Variants in HDAC9 observed in about 807,000 individuals in gnomAD.
The protein encoded by HDAC9 is histone deacetylase 9.
In HDAC9, 41 loss-of-function variants were observed where a neutral mutation model predicts 139.4. The ratio of observed to expected loss-of-function variants is 0.29; its 90% CI spans 0.23 to 0.38. The LOEUF is 0.38. Ranked by LOEUF, HDAC9 falls within the 10% of genes least tolerant of loss-of-function variation. The probability of loss-of-function intolerance (pLI) is 1.00; values close to 1 mark genes in which losing one functional copy is unlikely to be tolerated. For synonymous variants in HDAC9, 517 were observed against 476.2 expected, an observed-to-expected ratio of 1.09 and a Z score of -1.12; for missense variants, 1,147 against 1,297.0, an observed-to-expected ratio of 0.88 and a Z score of 1.78.
intron 2 of HDAC9, among the ~76,000 whole-genome samples, chr7:18,507,445 G>A (rs1458110553): frequency 6.6e-6 from 1 of 151,380 alleles, no homozygotes; most frequent in Non-Finnish European, 1.5e-5. Flanking sequence ...CGCCCGCCTC[G>A]GCCTCCCAAA....
chr7:18,732,750 T>TATAC (rs1554339297), intron 13 of HDAC9, among the ~76,000 whole-genome samples: 1 of 62,690 alleles, frequency 1.6e-5, no homozygotes, highest in East Asian at 9.3e-4. Flanking sequence ...TGCGTATGTG[T>TATAC]ACACACACGT....
intron 1 of HDAC9, among the ~76,000 whole-genome samples, chr7:18,414,772 A>G (rs1308242969): frequency 6.6e-6 from 1 of 152,230 alleles, no homozygotes; most frequent in Non-Finnish European, 1.5e-5. Context: ...AATATAACTT[A>G]AGAAGAAAGG....
chr7:18,727,389 A>T (rs1785632869), intron 12 of HDAC9, among the ~76,000 whole-genome samples, 191 bp from the exon 13 acceptor site: 1 of 152,164 alleles, frequency 6.6e-6, no homozygotes, highest in Admixed American at 6.5e-5. Flanking sequence ...TCAGTGTGAA[A>T]ACATCTGTTG....
intron 22 of HDAC9, among the ~76,000 whole-genome samples, chr7:18,894,069 T>C (rs1263732243): frequency 6.6e-6 from 1 of 151,968 alleles, no homozygotes; most frequent in Non-Finnish European, 1.5e-5. Flanking sequence ...GCAGGCTGGA[T>C]TGGGTATGAG....
At chr7:18,630,726 C>G (rs748324135) in intron 7 of HDAC9, among the ~76,000 whole-genome samples, 5 of 151,942 alleles carry the variant, frequency 3.3e-5, no homozygotes, top group Non-Finnish European at 7.4e-5. Flanking sequence ...GAATTGAATT[C>G]TAAGTTTGGA....
intron 13 of HDAC9, among the ~76,000 whole-genome samples, chr7:18,735,539 G>A (rs963074079): frequency 4.6e-5 from 7 of 152,130 alleles, no homozygotes; most frequent in African/African-American, 1.4e-4. Context: ...AAGATCAGAT[G>A]TTTGTAGATG....
rs191260975 is a variant in HDAC9 at position 18,171,123 on chromosome 7, G to A, written c.25+8774G>A. On this transcript the variant is annotated intron_variant, in intron 2 of 12. Transcript: ENST00000417496. Reference sequence around the variant, plus strand: ...TGTTTGTATCCTCTTTTATTTCATTGAGCAGTGGTTTGTAGTTCTCCTTGA... The same window carrying A: ...TGTTTGTATCCTCTTTTATTTCATTAAGCAGTGGTTTGTAGTTCTCCTTGA... Among the ~76,000 whole-genome samples the A allele has an allele frequency of 3.2e-3, 491 of 152,190 alleles. 5 individuals are homozygous for A. The highest frequency in any genetic ancestry group is 0.011 in the African/African-American group (469 of 41,516).
rs369847612 is a variant in HDAC9 at position 18,440,178 on chromosome 7, C to CTT, written c.-41-56075_-41-56074dup. Among the ~76,000 whole-genome samples, 229 of 142,802 alleles carry CTT rather than the reference C, an allele frequency of 1.6e-3. 1 individual carries two copies. Among genetic ancestry groups the CTT allele is most frequent in the African/African-American group, 5.1e-3 (199 of 38,888 alleles). 93.7% of individuals were successfully genotyped at this position (142,802 alleles called of 152,430 possible). ...AATATTCTCTTAACTAGGTTTACCT[C>CTT]TTTTTTTTTTCTTTTTTTTTTTTTT... is the stretch of plus-strand genomic sequence containing the variant. On this transcript the variant is annotated intron_variant, in intron 1 of 3. Coordinates refer to the HDAC9 transcript ENST00000413509.
intron 17 of HDAC9, among the ~76,000 whole-genome samples, chr7:18,807,070 GC>G (rs1484503895): frequency 1.3e-5 from 2 of 152,120 alleles, no homozygotes; most frequent in African/African-American, 4.8e-5. Context: ...TACCAATGAA[GC>G]TTTTTGGTCC....
chr7:18,161,730 G>T (rs1352730783), intron 1 of HDAC9, among the ~76,000 whole-genome samples: 1 of 152,084 alleles, frequency 6.6e-6, no homozygotes, highest in Non-Finnish European at 1.5e-5. Flanking sequence ...TATCATGGGA[G>T]TTTTCTGTCA....
intron 22 of HDAC9, among the ~76,000 whole-genome samples, chr7:18,875,279 T>G (rs1799235914): frequency 6.6e-6 from 1 of 152,144 alleles, no homozygotes. Context: ...TATATATATA[T>G]AGCTCACATA....
intron 21 of HDAC9, among the ~76,000 whole-genome samples, chr7:18,864,403 T>G (rs1017690047): frequency 6.6e-6 from 1 of 151,616 alleles, no homozygotes; most frequent in Non-Finnish European, 1.5e-5. Context: ...TCAAAGGATA[T>G]AAAGTTTCAG....
At chr7:18,273,052 C>CGTTTTTTTTTTTTTTTTTTT (rs1208103182) in intron 2 of HDAC9, among the ~76,000 whole-genome samples, 1 of 97,698 alleles carries the variant, frequency 1.0e-5, no homozygotes, top group African/African-American at 4.0e-5. Flanking sequence ...TCTTCCCCTT[C>CGTTTTTTTTTTTTTTTTTTT]TTCGTTTTTT....
chr7:18,829,418 G>C, intron 18 of HDAC9, 43 bp from the exon 19 acceptor site: 1 of 1,401,958 alleles, frequency 7.1e-7, no homozygotes. Context: ...GGTTTTCCTG[G>C]ATGATTTGCT....
At chr7:18,960,009 A>AACACACACACAC (rs58030908) in intron 24 of HDAC9, among the ~76,000 whole-genome samples, 2,213 of 149,002 alleles carry the variant, frequency 0.015, 45 homozygotes, top group African/African-American at 0.048. Context: ...TGTTGTTTTA[A>AACACACACACAC]ACACACACAC....
chr7:18,887,923 C>G (rs1184228852), intron 22 of HDAC9, among the ~76,000 whole-genome samples: 2 of 152,094 alleles, frequency 1.3e-5, no homozygotes, highest in Non-Finnish European at 2.9e-5. Context: ...TGCAGTGGTT[C>G]TCATGCCAAC....
At chr7:18,207,559 A>ATTTTTTTTTTTTTTTTTTTTTTTTTTT (rs1584636090) in intron 2 of HDAC9, among the ~76,000 whole-genome samples, 31 of 37,346 alleles carry the variant, frequency 8.3e-4, no homozygotes, top group African/African-American at 1.0e-3. Flanking sequence ...TTTTTTTTTG[A>ATTTTTTTTTTTTTTTTTTTTTTTTTTT]TTTGAGCTTT....
chr7:18,855,573 T>C (rs1797615677), intron 21 of HDAC9, among the ~76,000 whole-genome samples: 1 of 151,944 alleles, frequency 6.6e-6, no homozygotes, highest in South Asian at 2.1e-4. Flanking sequence ...GTGGCCGTGC[T>C]GAACTTGAGC....
chr7:18,481,106 C>T (rs559807106), intron 1 of HDAC9, among the ~76,000 whole-genome samples: 3 of 152,124 alleles, frequency 2.0e-5, no homozygotes, highest in Non-Finnish European at 4.4e-5. Flanking sequence ...ACTGTGGCGG[C>T]TTCTGGCCAA....
Sources: gnomAD v4.1 joint callset for allele counts (sites outside exome capture counted in the v4.1 genomes callset) on GRCh38, gnomAD v4.1.1 for gene constraint, MANE v1.5 for transcripts, NCBI Gene and HGNC (gene_info 2026-07-23, HGNC 2026-07-21) for gene names.